Variants in NDC1 observed in about 807,000 individuals in gnomAD.
NDC1 encodes nucleoporin NDC1.
In NDC1, 24 loss-of-function variants were observed where a neutral mutation model predicts 89.8. That is an observed-to-expected ratio of 0.27 (90% CI 0.19 to 0.38). The LOEUF (loss-of-function observed/expected upper bound fraction) is 0.38. Ranked by LOEUF, NDC1 falls within the 10% of genes least tolerant of loss-of-function variation. NDC1 has a pLI of 1.00. For missense variants in NDC1, 728 were observed against 797.6 expected, an observed-to-expected ratio of 0.91 and a Z score of 1.05; for synonymous variants, 296 against 284.8, an observed-to-expected ratio of 1.04 and a Z score of -0.39.
At chr1:53,833,618 G>T (rs542236283) in intron 2 of NDC1, among the ~76,000 whole-genome samples, 1 of 151,690 alleles carries the variant, frequency 6.6e-6, no homozygotes, top group Non-Finnish European at 1.5e-5. Context: ...TCATCTAAAC[G>T]AGCGGAACTC....
At chr1:53,804,191 T>G (rs1475664923) in intron 9 of NDC1, among the ~76,000 whole-genome samples, 182 bp from the exon 10 acceptor site, 2 of 152,142 alleles carry the variant, frequency 1.3e-5, no homozygotes, top group Non-Finnish European at 2.9e-5. Flanking sequence ...CTACCCTCCC[T>G]ACCTACTACA....
intron 1 of NDC1, 99 bp from the exon 2 acceptor site, chr1:53,835,719 G>A (rs1216299686): frequency 1.6e-5 from 16 of 1,002,504 alleles, no homozygotes; most frequent in Non-Finnish European, 2.4e-5. Flanking sequence ...CACTAACTCA[G>A]ATCATAATCC....
Position 53,807,111 on chromosome 1 carries a change from G to T in NDC1, c.891+545C>A, listed in dbSNP as rs527515868. On this transcript the variant is annotated intron_variant, in intron 8 of 17. Coordinates refer to ENST00000371429, the MANE Select transcript of NDC1 (RefSeq NM_018087.5). ...ATTCAAAAAAAATTAGCCGGGCATG[G>T]TGGCACACGCCTGTAGTCCCAGCTA... is the stretch of plus-strand genomic sequence containing the variant. 1.0e-3 allele frequency among the ~76,000 whole-genome samples: 154 copies of T among 151,928 alleles called. 1 individual carries two copies. The highest frequency in any genetic ancestry group is 3.6e-3 in the African/African-American group (148 of 41,448).
At chr1:53,815,417 A>T (rs767488805) in intron 6 of NDC1, among the ~76,000 whole-genome samples, 7 of 152,242 alleles carry the variant, frequency 4.6e-5, no homozygotes, top group Non-Finnish European at 1.0e-4. Flanking sequence ...TTATAATTAA[A>T]ATTCTCAGCA....
chr1:53,801,634 T>C (rs1647922436), intron 10 of NDC1, among the ~76,000 whole-genome samples: 1 of 152,136 alleles, frequency 6.6e-6, no homozygotes, highest in Admixed American at 6.6e-5. Flanking sequence ...ACTCCCCCCA[T>C]TGTAAAACTC....
At chr1:53,791,039 A>G (rs150580399) in intron 14 of NDC1, among the ~76,000 whole-genome samples, 56 of 151,710 alleles carry the variant, frequency 3.7e-4, no homozygotes, top group African/African-American at 1.2e-3. Context: ...TCCTCCTCCT[A>G]CCCTCTACCC....
chr1:53,805,458 G>A (rs182497151), intron 9 of NDC1, among the ~76,000 whole-genome samples: 24 of 152,144 alleles, frequency 1.6e-4, no homozygotes, highest in South Asian at 1.0e-3. Flanking sequence ...CTCTCACCTC[G>A]GCCTCCCAAA....
At chr1:53,791,477 T>A (rs959153436) in intron 14 of NDC1, among the ~76,000 whole-genome samples, 1 of 151,944 alleles carries the variant, frequency 6.6e-6, no homozygotes, top group African/African-American at 2.4e-5. Flanking sequence ...ATTCTATCCA[T>A]GTTGCTGTAA....
chr1:53,834,145 G>A (rs942202737), intron 2 of NDC1, among the ~76,000 whole-genome samples: 1 of 152,250 alleles, frequency 6.6e-6, no homozygotes, highest in African/African-American at 2.4e-5. Context: ...AGCTTCTGAT[G>A]AGGAAAATGG....
intron 14 of NDC1, 113 bp downstream of exon 14, chr1:53,793,116 A>T (rs781397488): frequency 6.4e-6 from 6 of 932,072 alleles, no homozygotes; most frequent in Non-Finnish European, 1.0e-5. Flanking sequence ...AAAGCTGCCT[A>T]GCTTGCTAGG....
intron 16 of NDC1, among the ~76,000 whole-genome samples, chr1:53,779,525 A>G (rs191407440): frequency 3.5e-4 from 53 of 152,322 alleles, no homozygotes; most frequent in African/African-American, 1.3e-3. Context: ...ACTTTGGCAC[A>G]TCTGCCATAC....
Position 53,835,564 on chromosome 1 carries a change from G to A in NDC1, c.114C>T (p.Ile38=). 1 of 1,612,936 alleles carries A rather than the reference G, an allele frequency of 6.2e-7. No individual in the cohort carries two copies. Residue 38 remains isoleucine (I), a synonymous_variant, in exon 2 of 18, where the codon ATC becomes ATT. Transcript: ENST00000371429. ...TGAAAATTATAAATACTGTGGTGCA[G>A]ATGGGTAGAAATAGCACTGACCAAA... The part of the protein sequence containing the change: ...SIVWSVLFLP[I]CTTVFIIFSR...
At chr1:53,808,810 C>T (rs1223577987) in intron 7 of NDC1, among the ~76,000 whole-genome samples, 1 of 152,100 alleles carries the variant, frequency 6.6e-6, no homozygotes, top group Non-Finnish European at 1.5e-5. Flanking sequence ...AAGCAGAAGA[C>T]AAAACTAAAT....
intron 5 of NDC1, among the ~76,000 whole-genome samples, chr1:53,819,510 T>C (rs574127486): frequency 2.0e-5 from 3 of 152,294 alleles, no homozygotes; most frequent in African/African-American, 7.2e-5. Flanking sequence ...ATCTTAGAGA[T>C]GAAGAAAACA....
At chr1:53,829,234 G>A (rs983299582) in intron 3 of NDC1, among the ~76,000 whole-genome samples, 2 of 152,108 alleles carry the variant, frequency 1.3e-5, no homozygotes, top group African/African-American at 4.8e-5. Flanking sequence ...AGTATGAAGG[G>A]ACAAGTTTCA....
At chr1:53,814,050 G>C (rs1014218663) in intron 6 of NDC1, among the ~76,000 whole-genome samples, 66 of 152,272 alleles carry the variant, frequency 4.3e-4, no homozygotes, top group African/African-American at 1.5e-3. Flanking sequence ...ACTAAATCAA[G>C]ATGGAAATTA....
intron 17 of NDC1, among the ~76,000 whole-genome samples, chr1:53,771,984 T>C (rs758285241): frequency 1.3e-5 from 2 of 152,178 alleles, no homozygotes; most frequent in African/African-American, 4.8e-5. Flanking sequence ...GATATAACAA[T>C]AGAATTAGTT....
At chr1:53,820,287 G>A (rs1485408296) in intron 5 of NDC1, among the ~76,000 whole-genome samples, 1 of 150,908 alleles carries the variant, frequency 6.6e-6, no homozygotes, top group East Asian at 1.9e-4. Context: ...AAACAAAATC[G>A]CAAAAAAAAA....
At chr1:53,821,994 G>A (rs1648683169) in intron 5 of NDC1, among the ~76,000 whole-genome samples, 1 of 152,092 alleles carries the variant, frequency 6.6e-6, no homozygotes, top group Non-Finnish European at 1.5e-5. Flanking sequence ...TTTTGGTTGG[G>A]TGATTTTGTT....
Sources: allele counts gnomAD v4.1 joint callset (sites outside exome capture counted in the v4.1 genomes callset), GRCh38; gene constraint gnomAD v4.1.1; transcripts MANE v1.5; gene names NCBI Gene and HGNC (gene_info 2026-07-23, HGNC 2026-07-21).